Variants in NHS observed in about 807,000 individuals in gnomAD.
The protein encoded by NHS is NHS actin remodeling regulator.
A neutral mutation model predicts 72.5 loss-of-function variants in NHS; 5 were observed. The observed-to-expected ratio is 0.07, with a 90% CI of 0.04 to 0.14. The LOEUF (loss-of-function observed/expected upper bound fraction) is 0.14. Among genes scored for constraint, NHS ranks in the 10% least tolerant of loss-of-function variants. The probability of loss-of-function intolerance (pLI) is 1.00; values close to 1 mark genes in which losing one functional copy is unlikely to be tolerated. For synonymous variants in NHS, 464 were observed against 547.7 expected (o/e 0.85, Z 2.13); for missense variants, 1,072 against 1,355.7 (o/e 0.79, Z 3.29).
At position 17,615,241 on chromosome X, in the gene NHS, TATATATACAC is replaced by T. The variant is rs1157873744; in HGVS notation, c.566-72483_566-72474del. The stretch of plus-strand genomic sequence containing the variant: ...GTATATATACACATATATATACGTA[TATATATACAC>T]ATATATACACATATATATATATATA... On this transcript the variant is annotated intron_variant, in intron 1 of 8. Transcript: ENST00000676302. 4.0e-4 allele frequency among the ~76,000 whole-genome samples: 37 copies of T among 91,485 alleles called. No homozygotes were observed. In the East Asian group the frequency reaches 5.5e-3, roughly 14 times the overall value. 79.4% of individuals were successfully genotyped at this position (91,485 alleles called of 115,157 possible).
At chrX:17,632,515 A>G (rs1049848156) in intron 1 of NHS, among the ~76,000 whole-genome samples, 2 of 109,270 alleles carry the variant, frequency 1.8e-5, no homozygotes, top group Non-Finnish European at 3.8e-5. Context: ...TGCACCCACA[A>G]CTGCTTTCTA....
intron 1 of NHS, among the ~76,000 whole-genome samples, chrX:17,448,280 T>C (rs1429490903): frequency 1.8e-5 from 2 of 112,427 alleles, no homozygotes; most frequent in African/African-American, 6.5e-5. Flanking sequence ...CAAGGACATC[T>C]TGATACTACC....
intron 1 of NHS, among the ~76,000 whole-genome samples, chrX:17,406,561 C>G (rs1229703952): frequency 9.0e-6 from 1 of 111,666 alleles, no homozygotes; most frequent in Non-Finnish European, 1.9e-5. Flanking sequence ...CAGCACCACA[C>G]ATCTCAGCTA....
intron 1 of NHS, among the ~76,000 whole-genome samples, chrX:17,474,926 C>G (rs2146905601): frequency 9.0e-6 from 1 of 111,242 alleles, no homozygotes; most frequent in South Asian, 3.9e-4. Context: ...ATGGCATCAT[C>G]CTAGACCTGG....
chrX:17,644,082 A>C (rs755050425), intron 1 of NHS, among the ~76,000 whole-genome samples: 10 of 112,096 alleles, frequency 8.9e-5, no homozygotes, highest in Middle Eastern at 4.6e-3. Context: ...AGTTACAAAA[A>C]CCTATTTTTA....
intron 1 of NHS, among the ~76,000 whole-genome samples, chrX:17,683,920 C>T (rs1203196959): frequency 9.0e-6 from 1 of 111,627 alleles, no homozygotes; most frequent in Non-Finnish European, 1.9e-5. Flanking sequence ...TGTCCCCACC[C>T]AAATCTCATC....
In NHS at chrX:17,375,934, C is replaced by A. The variant is rs1443874473; in HGVS notation, c.177C>A (p.Arg59=). Residue 59 remains arginine, a synonymous_variant, in exon 1 of 9, where the codon CGC becomes CGA. Coordinates refer to ENST00000676302, the MANE Select transcript of NHS (RefSeq NM_001291867.2). ...VEAPGPEEPA[R]AVPAPSGLPP... ...CGCCAGGGCCAGAGGAGCCAGCCCGCGCCGTCCCTGCACCTTCAGGGCTGC... is the reference window on the plus strand; with the variant it reads ...CGCCAGGGCCAGAGGAGCCAGCCCGAGCCGTCCCTGCACCTTCAGGGCTGC... The A allele has an allele frequency of 2.0e-4, 216 of 1,090,861 alleles. No homozygotes were observed. Among genetic ancestry groups the A allele is most frequent in the Non-Finnish European group, 2.4e-4 (205 of 843,162 alleles). 89.9% of individuals were successfully genotyped at this position (1,090,861 alleles called of 1,213,427 possible).
intron 1 of NHS, among the ~76,000 whole-genome samples, chrX:17,378,637 C>CAGGAAAGGG (rs1337240119): frequency 1.8e-5 from 2 of 111,832 alleles, no homozygotes; most frequent in Non-Finnish European, 3.8e-5. Flanking sequence ...GGAAGTGAGA[C>CAGGAAAGGG]AGGAAAGGGA....
chrX:17,397,528 G>A (rs2064482653), intron 1 of NHS, among the ~76,000 whole-genome samples: 1 of 111,225 alleles, frequency 9.0e-6, no homozygotes, highest in Non-Finnish European at 1.9e-5. Context: ...AGGAATTAAT[G>A]ATAGGAGATA....
At chrX:17,540,156 G>T (rs2065255760) in intron 1 of NHS, among the ~76,000 whole-genome samples, 1 of 111,640 alleles carries the variant, frequency 9.0e-6, no homozygotes, top group Non-Finnish European at 1.9e-5. Flanking sequence ...AATAATCTTT[G>T]TACCATAGGG....
intron 1 of NHS, among the ~76,000 whole-genome samples, chrX:17,663,259 G>C (rs752648658): frequency 2.7e-5 from 3 of 111,843 alleles, no homozygotes; most frequent in Non-Finnish European, 5.6e-5. Flanking sequence ...TTTACATACA[G>C]TTGAGTTATG....
At chrX:17,439,293 T>C (rs912518065) in intron 1 of NHS, among the ~76,000 whole-genome samples, 1 of 111,200 alleles carries the variant, frequency 9.0e-6, no homozygotes, top group Non-Finnish European at 1.9e-5. Context: ...AAAAATATCA[T>C]ATATATATGA....
At chrX:17,515,163 A>C (rs2065113273) in intron 1 of NHS, among the ~76,000 whole-genome samples, 1 of 112,192 alleles carries the variant, frequency 8.9e-6, no homozygotes, top group African/African-American at 3.2e-5. Context: ...TGACATGTAC[A>C]TGATACAGTG....
At chrX:17,413,529 C>T (rs752776305) in intron 1 of NHS, among the ~76,000 whole-genome samples, 17 of 112,112 alleles carry the variant, frequency 1.5e-4, no homozygotes, top group African/African-American at 5.2e-4. Flanking sequence ...ATTGATTAAT[C>T]GTTTCAGAAC....
At chrX:17,453,321 G>GA (rs2064813578) in intron 1 of NHS, among the ~76,000 whole-genome samples, 3 of 111,384 alleles carry the variant, frequency 2.7e-5, no homozygotes, top group East Asian at 5.6e-4. Context: ...TGGGGTTCAG[G>GA]AAAAAATGAC....
intron 1 of NHS, among the ~76,000 whole-genome samples, chrX:17,602,182 CACA>C (rs200704576): frequency 0.021 from 2,342 of 110,941 alleles, 69 homozygotes; most frequent in Admixed American, 0.074. Context: ...TGATCACACA[CACA>C]ACAACAACAA....
At chrX:17,627,228 T>C (rs1053295157) in intron 1 of NHS, among the ~76,000 whole-genome samples, 1 of 112,300 alleles carries the variant, frequency 8.9e-6, no homozygotes, top group Non-Finnish European at 1.9e-5. Flanking sequence ...TTTCCTTATC[T>C]GAGGTAGCCA....
chrX:17,470,591 C>A (rs1358151067), intron 1 of NHS, among the ~76,000 whole-genome samples: 1 of 111,656 alleles, frequency 9.0e-6, no homozygotes, highest in Non-Finnish European at 1.9e-5. Context: ...CTTATTTTGC[C>A]AATCTCTCTG....
intron 1 of NHS, among the ~76,000 whole-genome samples, chrX:17,434,397 A>G (rs2064709707): frequency 9.0e-6 from 1 of 111,221 alleles, no homozygotes; most frequent in African/African-American, 3.3e-5. Context: ...TCCTGGGGAA[A>G]GACCCAGTGC....
Sources: allele counts gnomAD v4.1 joint callset (sites outside exome capture counted in the v4.1 genomes callset), GRCh38; gene constraint gnomAD v4.1.1; transcripts MANE v1.5; gene names NCBI Gene and HGNC (gene_info 2026-07-23, HGNC 2026-07-21).